GABRG3: variants seen among roughly 807,000 people sequenced by gnomAD.
GABRG3 encodes the protein gamma-aminobutyric acid receptor subunit gamma-3.
A neutral mutation model predicts 48.8 loss-of-function variants in GABRG3; 25 were observed. The ratio of observed to expected loss-of-function variants is 0.51; its 90% CI spans 0.37 to 0.72. The LOEUF is 0.72. GABRG3 is among the 30% of genes least tolerant of loss of function. The pLI, the probability that GABRG3 is intolerant of heterozygous loss-of-function variation, is 0.00. For synonymous variants in GABRG3, 227 were observed against 217.6 expected (o/e 1.04, Z -0.38); for missense variants, 394 against 577.9 (o/e 0.68, Z 3.26).
chr15:27,368,104 C>G (rs1463756969), intron 5 of GABRG3, among the ~76,000 whole-genome samples: 2 of 152,172 alleles, frequency 1.3e-5, no homozygotes, highest in African/African-American at 4.8e-5. Flanking sequence ...GGCCATCCAG[C>G]TGTAGGTCTC....
intron 3 of GABRG3, among the ~76,000 whole-genome samples, chr15:27,110,220 A>G (rs1897522731): frequency 6.6e-6 from 1 of 152,118 alleles, no homozygotes; most frequent in African/African-American, 2.4e-5. Flanking sequence ...GTTCCAATAC[A>G]TGGCTTAAAA....
intron 3 of GABRG3, among the ~76,000 whole-genome samples, chr15:27,082,987 C>T (rs7174308): frequency 0.21 from 32,700 of 152,174 alleles, 3,658 homozygotes; most frequent in Middle Eastern, 0.28. Context: ...AACCATTTAT[C>T]TTGTGCTTTA....
intron 5 of GABRG3, among the ~76,000 whole-genome samples, chr15:27,404,971 T>C (rs1887588844): frequency 6.6e-6 from 1 of 152,190 alleles, no homozygotes; most frequent in Non-Finnish European, 1.5e-5. Context: ...GAGTCAAGAA[T>C]AGCTTATACT....
chr15:27,439,873 G>T (rs112914935), intron 5 of GABRG3, among the ~76,000 whole-genome samples: 3 of 152,160 alleles, frequency 2.0e-5, no homozygotes, highest in Admixed American at 2.0e-4. Flanking sequence ...AGTATAACCC[G>T]CAGGGCATAA....
chr15:27,093,200 T>C (rs1314707260), intron 3 of GABRG3, among the ~76,000 whole-genome samples: 1 of 152,034 alleles, frequency 6.6e-6, no homozygotes, highest in South Asian at 2.1e-4. Context: ...CAATGTCACA[T>C]GTGGCCAGGT....
chr15:27,412,916 A>G (rs1015769456), intron 5 of GABRG3, among the ~76,000 whole-genome samples: 1 of 152,212 alleles, frequency 6.6e-6, no homozygotes, highest in African/African-American at 2.4e-5. Context: ...GTTACAAATG[A>G]TATATTTGCT....
Position 27,308,340 on chromosome 15 carries a change from A to C in GABRG3, c.271-18469A>C, listed in dbSNP as rs531319714. On this transcript the variant is annotated intron_variant, in intron 3 of 9. Coordinates refer to ENST00000615808, the MANE Select transcript of GABRG3 (RefSeq NM_033223.5). ...TAAACATACGTTTATATATAAACAT[A>C]ATATAAACATACGTTTATATATAAA... Among the ~76,000 whole-genome samples the C allele has an allele frequency of 1.2e-3, 154 of 127,196 alleles. 4 individuals carry two copies. The highest frequency in any genetic ancestry group is 2.6e-3 in the Admixed American group (33 of 12,918). 83.4% of individuals were successfully genotyped at this position (127,196 alleles called of 152,430 possible).
At chr15:27,199,908 T>C (rs1888625467) in intron 3 of GABRG3, among the ~76,000 whole-genome samples, 1 of 151,706 alleles carries the variant, frequency 6.6e-6, no homozygotes. Context: ...TCCTTCCCTC[T>C]TTCCCTTCAG....
At chr15:27,075,952 G>A (rs1253625237) in intron 3 of GABRG3, among the ~76,000 whole-genome samples, 1 of 152,170 alleles carries the variant, frequency 6.6e-6, no homozygotes, top group Non-Finnish European at 1.5e-5. Flanking sequence ...TGCGAGTCAC[G>A]GAACGGAAGT....
chr15:27,437,112 G>T (rs556014996), intron 5 of GABRG3, among the ~76,000 whole-genome samples: 5 of 148,950 alleles, frequency 3.4e-5, no homozygotes, highest in South Asian at 4.3e-4. Flanking sequence ...GATAATGTTG[G>T]TTATCACCAA....
At chr15:27,387,879 G>GGA (rs1895978944) in intron 5 of GABRG3, among the ~76,000 whole-genome samples, 1 of 72,828 alleles carries the variant, frequency 1.4e-5, no homozygotes, top group African/African-American at 5.6e-5. Context: ...GGGAGGGAGG[G>GGA]AGGGGAAGGA....
chr15:27,112,948 TA>T, intron 3 of GABRG3, among the ~76,000 whole-genome samples: 1 of 152,332 alleles, frequency 6.6e-6, no homozygotes, highest in South Asian at 2.1e-4. Context: ...ATTCTAAGAA[TA>T]AAGTCTAGAA....
intron 3 of GABRG3, among the ~76,000 whole-genome samples, chr15:27,178,009 A>G (rs992998645): frequency 6.6e-6 from 1 of 152,120 alleles, no homozygotes; most frequent in African/African-American, 2.4e-5. Flanking sequence ...GTGATAAGAC[A>G]TCTCCTGGGG....
chr15:27,128,588 ATAT>A (rs1472852382), intron 3 of GABRG3, among the ~76,000 whole-genome samples: 1 of 152,206 alleles, frequency 6.6e-6, no homozygotes, highest in African/African-American at 2.4e-5. Flanking sequence ...GATATTTTAT[ATAT>A]TTGGATGGGG....
chr15:27,217,760 A>G (rs1889311141), intron 3 of GABRG3, among the ~76,000 whole-genome samples: 1 of 152,216 alleles, frequency 6.6e-6, no homozygotes, highest in African/African-American at 2.4e-5. Flanking sequence ...ATAGGCACAC[A>G]TAGTGTCAAA....
At chr15:27,153,106 C>T in intron 3 of GABRG3, among the ~76,000 whole-genome samples, 1 of 152,164 alleles carries the variant, frequency 6.6e-6, no homozygotes. Flanking sequence ...TGTGATCCGC[C>T]CGCCTCGGCC....
chr15:27,510,099 A>T (rs1890860597), intron 6 of GABRG3, among the ~76,000 whole-genome samples: 1 of 151,608 alleles, frequency 6.6e-6, no homozygotes, highest in African/African-American at 2.4e-5. Flanking sequence ...CTCAGTTTTG[A>T]CTCTTCCCCT....
rs1289607039 is a variant in GABRG3, at chr15:27,193,440, A to G, written c.271-133369A>G. Reference sequence around the variant, plus strand: ...GGGCAATGGCGGGCGCCCCTCCCCCAGCCTCACTGCCGCCTTGCAGTTTGA... The same window carrying G: ...GGGCAATGGCGGGCGCCCCTCCCCCGGCCTCACTGCCGCCTTGCAGTTTGA... On this transcript the variant is annotated intron_variant, in intron 3 of 9. Coordinates refer to ENST00000615808, the MANE Select transcript of GABRG3 (RefSeq NM_033223.5). 8.6e-5 allele frequency among the ~76,000 whole-genome samples: 13 copies of G among 151,832 alleles called. 1 individual carries two copies. The highest frequency in any genetic ancestry group is 3.0e-5 in the Non-Finnish European group (2 of 67,790).
At chr15:27,500,190 C>G (rs566865717) in intron 6 of GABRG3, among the ~76,000 whole-genome samples, 1 of 152,208 alleles carries the variant, frequency 6.6e-6, no homozygotes, top group South Asian at 2.1e-4. Context: ...AACTGAAGGG[C>G]AGGGAAGACA....
Sources: gnomAD v4.1 joint callset for allele counts (sites outside exome capture counted in the v4.1 genomes callset) on GRCh38, gnomAD v4.1.1 for gene constraint, MANE v1.5 for transcripts, NCBI Gene and HGNC (gene_info 2026-07-23, HGNC 2026-07-21) for gene names.